GRM8: variants seen among roughly 807,000 people sequenced by gnomAD.
GRM8 encodes the protein metabotropic glutamate receptor 8.
Under a neutral mutation model 87.2 loss-of-function variants are expected in GRM8, and 47 were observed. The ratio of observed to expected loss-of-function variants is 0.54; its 90% CI spans 0.43 to 0.69. GRM8 has a LOEUF of 0.69. GRM8 is among the 30% of genes least tolerant of loss of function. The pLI, the probability that GRM8 is intolerant of heterozygous loss-of-function variation, is 0.00. For synonymous variants in GRM8, 396 were observed against 404.5 expected, an observed-to-expected ratio of 0.98 and a Z score of 0.25; for missense variants, 1,019 against 1,139.2, an observed-to-expected ratio of 0.89 and a Z score of 1.52.
At chr7:126,805,488 A>C (rs1310016193) in intron 6 of GRM8, among the ~76,000 whole-genome samples, 1 of 152,144 alleles carries the variant, frequency 6.6e-6, no homozygotes, top group Non-Finnish European at 1.5e-5. Flanking sequence ...AGTCTTTGTT[A>C]TTCCCCCAGT....
intron 6 of GRM8, among the ~76,000 whole-genome samples, chr7:126,844,775 A>G (rs1443874735): frequency 6.6e-6 from 1 of 152,142 alleles, no homozygotes; most frequent in Non-Finnish European, 1.5e-5. Context: ...GCATGGAGAG[A>G]TAGAGAAAAT....
At chr7:127,134,923 AT>A (rs557563332) in intron 2 of GRM8, among the ~76,000 whole-genome samples, 4 of 152,266 alleles carry the variant, frequency 2.6e-5, no homozygotes, top group African/African-American at 9.6e-5. Context: ...TTCATAAACA[AT>A]TTTTAAAAAT....
chr7:126,623,291 A>G (rs191112350), intron 7 of GRM8, among the ~76,000 whole-genome samples: 9 of 152,296 alleles, frequency 5.9e-5, no homozygotes, highest in Non-Finnish European at 1.2e-4. Flanking sequence ...TTATTTTCTT[A>G]AAAAGTCTAA....
chr7:127,080,193 AT>A (rs1822710980), intron 3 of GRM8, among the ~76,000 whole-genome samples: 1 of 152,182 alleles, frequency 6.6e-6, no homozygotes, highest in South Asian at 2.1e-4. Flanking sequence ...AAAGGTCATC[AT>A]AAAAAAAAGA....
chr7:126,866,025 A>T (rs981669771), intron 6 of GRM8, among the ~76,000 whole-genome samples: 4 of 152,234 alleles, frequency 2.6e-5, no homozygotes, highest in African/African-American at 7.2e-5. Flanking sequence ...AAGTGGCTAT[A>T]GCATCTTCCA....
intron 2 of GRM8, among the ~76,000 whole-genome samples, chr7:127,114,384 A>G (rs1224644430): frequency 6.6e-6 from 1 of 152,178 alleles, no homozygotes; most frequent in Non-Finnish European, 1.5e-5. Context: ...TCTCCCCAAC[A>G]TGAGCTCAGT....
At chr7:126,490,973 C>T (rs1457940978) in intron 9 of GRM8, among the ~76,000 whole-genome samples, 1 of 152,022 alleles carries the variant, frequency 6.6e-6, no homozygotes, top group Admixed American at 6.6e-5. Context: ...CCATTCAACT[C>T]CAAACTTATA....
chr7:127,142,756 G>C (rs1238379787), intron 2 of GRM8, among the ~76,000 whole-genome samples: 1 of 152,056 alleles, frequency 6.6e-6, no homozygotes. Context: ...CAGCGAGACA[G>C]ATTGATTCAA....
At chr7:127,021,629 C>T (rs1020645025) in intron 3 of GRM8, among the ~76,000 whole-genome samples, 1 of 151,966 alleles carries the variant, frequency 6.6e-6, no homozygotes, top group African/African-American at 2.4e-5. Flanking sequence ...TTAAATATCC[C>T]TAGTAGACTT....
intron 6 of GRM8, among the ~76,000 whole-genome samples, chr7:126,866,132 G>A (rs1798571487): frequency 6.6e-6 from 1 of 152,210 alleles, no homozygotes; most frequent in African/African-American, 2.4e-5. Flanking sequence ...TGGGTGTGAA[G>A]TGGTATCTAA....
intron 2 of GRM8, among the ~76,000 whole-genome samples, chr7:127,118,895 T>A (rs1432449300): frequency 6.6e-6 from 1 of 152,182 alleles, no homozygotes; most frequent in Non-Finnish European, 1.5e-5. Flanking sequence ...AGCTTGGACA[T>A]CACCAGCCAT....
rs1478061620 is a variant in GRM8, at chr7:127,007,344, T to TG, written c.727+99151dup. The stretch of plus-strand genomic sequence containing the variant: ...TGTAGGAGAGATTTTTATCTTAATA[T>TG]GGGGGGTAAAAATATAAGGGTTTCT... On this transcript the variant is annotated intron_variant, in intron 3 of 10. Coordinates refer to ENST00000339582, the MANE Select transcript of GRM8 (RefSeq NM_000845.3). Among the ~76,000 whole-genome samples the TG allele has an allele frequency of 1.8e-4, 28 of 152,034 alleles. No homozygotes were observed. The East Asian group carries it at 5.0e-3, about 27-fold the overall frequency.
At chr7:126,592,086 A>G (rs559948301) in intron 8 of GRM8, among the ~76,000 whole-genome samples, 10 of 151,746 alleles carry the variant, frequency 6.6e-5, no homozygotes, top group African/African-American at 2.4e-4. Flanking sequence ...ACCAATAATG[A>G]ATAAACACAT....
chr7:126,635,498 T>C (rs932512441), intron 7 of GRM8, among the ~76,000 whole-genome samples: 1 of 152,100 alleles, frequency 6.6e-6, no homozygotes, highest in South Asian at 2.1e-4. Flanking sequence ...CTTTATAGAG[T>C]TTTAATGCAG....
At chr7:127,170,998 A>T (rs1793768626) in intron 2 of GRM8, among the ~76,000 whole-genome samples, 2 of 152,200 alleles carry the variant, frequency 1.3e-5, no homozygotes, top group Non-Finnish European at 2.9e-5. Context: ...TGAAATAAAA[A>T]AAATGAATTA....
chr7:126,559,381 C>T (rs1215675502), intron 8 of GRM8, among the ~76,000 whole-genome samples: 1 of 151,966 alleles, frequency 6.6e-6, no homozygotes, highest in Non-Finnish European at 1.5e-5. Flanking sequence ...TCATGTTACT[C>T]CGACTGGTCT....
chr7:127,015,176 GAGA>G (rs778849282), intron 3 of GRM8, among the ~76,000 whole-genome samples: 186 of 86,924 alleles, frequency 2.1e-3, no homozygotes, highest in Middle Eastern at 6.0e-3. Flanking sequence ...GAAGGAGAAG[GAGA>G]AGAAGAAGAA....
intron 3 of GRM8, among the ~76,000 whole-genome samples, chr7:127,061,393 T>G (rs921301261): frequency 1.3e-5 from 2 of 152,238 alleles, no homozygotes; most frequent in Non-Finnish European, 2.9e-5. Context: ...TTTGAATTAA[T>G]CTGATAGCTC....
chr7:127,031,532 AT>A (rs1277065126), intron 3 of GRM8, among the ~76,000 whole-genome samples: 5 of 152,040 alleles, frequency 3.3e-5, no homozygotes, highest in Admixed American at 2.6e-4. Flanking sequence ...TGCAGTTCAC[AT>A]TTTTATTGTA....
Sources: allele counts gnomAD v4.1 joint callset (sites outside exome capture counted in the v4.1 genomes callset), GRCh38; gene constraint gnomAD v4.1.1; transcripts MANE v1.5; gene names NCBI Gene and HGNC (gene_info 2026-07-23, HGNC 2026-07-21).